Variants in ELMO1 observed in about 807,000 individuals in gnomAD.
ELMO1 encodes the protein engulfment and cell motility protein 1.
In ELMO1, 26 loss-of-function variants were observed where a neutral mutation model predicts 98.9. That is an observed-to-expected ratio of 0.26 (90% confidence interval 0.19 to 0.36). The LOEUF (loss-of-function observed/expected upper bound fraction) is 0.36, where lower values mean the gene tolerates loss of function less well. Ranked by LOEUF, ELMO1 falls within the 10% of genes least tolerant of loss-of-function variation. The pLI is 1.00. For synonymous variants in ELMO1, 346 were observed against 346.0 expected (o/e 1.00, Z 0.00); for missense variants, 627 against 935.2 (o/e 0.67, Z 4.30).
intron 20 of ELMO1, among the ~76,000 whole-genome samples, chr7:36,868,907 T>C (rs1412672987): frequency 6.6e-6 from 1 of 152,154 alleles, no homozygotes; most frequent in Non-Finnish European, 1.5e-5. Flanking sequence ...TGTGGGGACC[T>C]CCTCGGCTGA....
At chr7:36,896,052 G>A (rs761537479) in intron 16 of ELMO1, among the ~76,000 whole-genome samples, 3 of 152,152 alleles carry the variant, frequency 2.0e-5, no homozygotes, top group Non-Finnish European at 4.4e-5. Context: ...GTAAACACCC[G>A]ACTATGCTGC....
At chr7:37,066,238 C>T (rs1210235628) in intron 15 of ELMO1, among the ~76,000 whole-genome samples, 1 of 152,110 alleles carries the variant, frequency 6.6e-6, no homozygotes, top group African/African-American at 2.4e-5. Context: ...TAAGTCACAA[C>T]CACATGAGGA....
At chr7:36,993,541 A>G (rs1792004526) in intron 16 of ELMO1, among the ~76,000 whole-genome samples, 1 of 152,212 alleles carries the variant, frequency 6.6e-6, no homozygotes. Flanking sequence ...AAGCTTTGAA[A>G]TGTGAACCAT....
intron 13 of ELMO1, among the ~76,000 whole-genome samples, chr7:37,168,810 C>T (rs935442062): frequency 9.9e-5 from 15 of 152,218 alleles, no homozygotes; most frequent in Non-Finnish European, 5.9e-5. Flanking sequence ...CTTGAGGAGG[C>T]AGTCTGCCCA....
chr7:37,033,802 G>C (rs1259994119), intron 15 of ELMO1, among the ~76,000 whole-genome samples: 1 of 152,132 alleles, frequency 6.6e-6, no homozygotes, highest in South Asian at 2.1e-4. Flanking sequence ...AGGAAACTAA[G>C]AGAAAGACTA....
chr7:37,314,747 C>G (rs1233220430), intron 4 of ELMO1, 103 bp downstream of exon 4: 6 of 1,022,686 alleles, frequency 5.9e-6, no homozygotes, highest in Non-Finnish European at 7.2e-6. Flanking sequence ...ATAGTAGAGA[C>G]CTAAAATTTA....
chr7:36,977,118 A>T lies in ELMO1; in HGVS notation c.1437+36181T>A, dbSNP rs577809198. ...TTAGCACGCTACTGAAACTGTTAGG[A>T]AAAGGACAGAGACTGAGAATTGGAG... On this transcript the variant is annotated intron_variant, in intron 16 of 21. Transcript: ENST00000310758. Among the ~76,000 whole-genome samples the T allele has an allele frequency of 3.3e-5, 5 of 152,336 alleles. 1 individual carries two copies. The highest frequency in any genetic ancestry group is 7.2e-5 in the African/African-American group (3 of 41,580).
At chr7:37,297,998 T>A (rs1798132508) in intron 4 of ELMO1, among the ~76,000 whole-genome samples, 1 of 152,202 alleles carries the variant, frequency 6.6e-6, no homozygotes, top group Non-Finnish European at 1.5e-5. Flanking sequence ...AGGATTTTGA[T>A]CTTTTTTTAA....
At chr7:36,876,591 A>G (rs1804007750) in intron 19 of ELMO1, among the ~76,000 whole-genome samples, 1 of 152,164 alleles carries the variant, frequency 6.6e-6, no homozygotes, top group Non-Finnish European at 1.5e-5. Flanking sequence ...CTGATTTAGC[A>G]GGGCTGGGAA....
chr7:37,418,194 C>G (rs939274462), intron 1 of ELMO1, among the ~76,000 whole-genome samples: 6 of 152,210 alleles, frequency 3.9e-5, no homozygotes, highest in Non-Finnish European at 7.3e-5. Flanking sequence ...TGCTAAGAGA[C>G]AGAAACCAAA....
intron 13 of ELMO1, among the ~76,000 whole-genome samples, chr7:37,138,262 A>T (rs1019375675): frequency 6.6e-6 from 1 of 150,946 alleles, no homozygotes; most frequent in African/African-American, 2.4e-5. Flanking sequence ...AAAATACAAA[A>T]GATAAATGAA....
intron 1 of ELMO1, among the ~76,000 whole-genome samples, chr7:37,375,255 T>C (rs1312720170): frequency 6.6e-6 from 1 of 152,156 alleles, no homozygotes; most frequent in African/African-American, 2.4e-5. Context: ...AAAGAAAATA[T>C]TTCTGTTTTT....
intron 1 of ELMO1, among the ~76,000 whole-genome samples, chr7:37,365,925 A>G (rs1211935166): frequency 6.6e-6 from 1 of 152,248 alleles, no homozygotes; most frequent in Non-Finnish European, 1.5e-5. Flanking sequence ...AGAACCTACT[A>G]AAGAGTACAG....
At chr7:37,074,696 C>T (rs1176840203) in intron 15 of ELMO1, among the ~76,000 whole-genome samples, 1 of 152,144 alleles carries the variant, frequency 6.6e-6, no homozygotes, top group East Asian at 1.9e-4. Context: ...AATAACCCGG[C>T]TATGAATGTG....
chr7:37,160,352 A>G (rs1323947704), intron 13 of ELMO1, among the ~76,000 whole-genome samples: 1 of 152,208 alleles, frequency 6.6e-6, no homozygotes, highest in African/African-American at 2.4e-5. Flanking sequence ...ATCCTCCACA[A>G]ATGAATCTTT....
intron 15 of ELMO1, among the ~76,000 whole-genome samples, chr7:37,052,441 A>G (rs1160963278): frequency 6.6e-6 from 1 of 152,232 alleles, no homozygotes; most frequent in Non-Finnish European, 1.5e-5. Context: ...TTATTCTATC[A>G]GAGCTCTCAT....
intron 13 of ELMO1, among the ~76,000 whole-genome samples, chr7:37,164,651 T>A (rs1789509174): frequency 6.6e-6 from 1 of 151,964 alleles, no homozygotes; most frequent in Admixed American, 6.6e-5. Flanking sequence ...TAGTTGTAGA[T>A]ATGTGGCATT....
At chr7:36,986,937 A>G (rs569043717) in intron 16 of ELMO1, among the ~76,000 whole-genome samples, 50 of 152,312 alleles carry the variant, frequency 3.3e-4, no homozygotes, top group Non-Finnish European at 2.9e-4. Context: ...TTTAACCTAG[A>G]GAATTAGAGG....
chr7:36,908,743 G>A (rs1202312324), intron 16 of ELMO1, among the ~76,000 whole-genome samples: 2 of 152,092 alleles, frequency 1.3e-5, no homozygotes, highest in African/African-American at 2.4e-5. Context: ...ATTAGAAAAC[G>A]TATGTTTAAA....
Sources: gnomAD v4.1 joint callset for allele counts (sites outside exome capture counted in the v4.1 genomes callset) on GRCh38, gnomAD v4.1.1 for gene constraint, MANE v1.5 for transcripts, NCBI Gene and HGNC (gene_info 2026-07-23, HGNC 2026-07-21) for gene names.